Variants in HIVEP2 observed in about 807,000 individuals in gnomAD.
HIVEP2 encodes transcription factor HIVEP2.
Under a neutral mutation model 180.7 loss-of-function variants are expected in HIVEP2, and 14 were observed. The observed-to-expected ratio is 0.08, with a 90% CI of 0.05 to 0.12. The LOEUF is 0.12. Among genes scored for constraint, HIVEP2 ranks in the 10% least tolerant of loss-of-function variants. HIVEP2 has a pLI of 1.00. For synonymous variants in HIVEP2, 1,184 were observed against 1,136.4 expected, an observed-to-expected ratio of 1.04 and a Z score of -0.84; for missense variants, 2,579 against 3,008.5, an observed-to-expected ratio of 0.86 and a Z score of 3.34.
chr6:142,843,394 T>C (rs551580144), intron 1 of HIVEP2, among the ~76,000 whole-genome samples: 61 of 152,180 alleles, frequency 4.0e-4, no homozygotes, highest in Non-Finnish European at 8.7e-4. Flanking sequence ...AAGCTAAATG[T>C]GTGAAAAAGA....
chr6:142,846,185 G>A (rs1325644433), intron 1 of HIVEP2, among the ~76,000 whole-genome samples: 1 of 152,106 alleles, frequency 6.6e-6, no homozygotes, highest in Non-Finnish European at 1.5e-5. Flanking sequence ...AAACTGGGAC[G>A]TGGTAGAGTC....
chr6:142,760,677 T>G lies in HIVEP2; in HGVS notation c.5621-10A>C. ...AAATCTTCCAAATTTTCTGAAACAA[T>G]TAAACAAAGATAATGGAGATCAAGA... On this transcript the variant is annotated splice_polypyrimidine_tract_variant and intron_variant, in intron 8 of 9. Coordinates refer to ENST00000367603, the MANE Select transcript of HIVEP2 (RefSeq NM_006734.4). The G allele has an allele frequency of 6.3e-7, 1 of 1,575,406 alleles. No individual in the cohort carries two copies. Among genetic ancestry groups the G allele is most frequent in the African/African-American group, 1.4e-5 (1 of 73,584 alleles).
chr6:142,813,983 TCA>T (rs1776768995), intron 2 of HIVEP2, among the ~76,000 whole-genome samples: 1 of 151,946 alleles, frequency 6.6e-6, no homozygotes, highest in Non-Finnish European at 1.5e-5. Context: ...GACATAGCCC[TCA>T]GAGTCTATGG....
intron 1 of HIVEP2, among the ~76,000 whole-genome samples, chr6:142,942,471 T>C (rs1582982606): frequency 1.3e-5 from 2 of 152,242 alleles, no homozygotes; most frequent in South Asian, 4.1e-4. Context: ...TTTGTTTTCA[T>C]GGTAACAAGA....
intron 1 of HIVEP2, among the ~76,000 whole-genome samples, chr6:142,886,920 C>A (rs993881745): frequency 1.8e-4 from 27 of 152,148 alleles, no homozygotes; most frequent in Non-Finnish European, 3.7e-4. Context: ...AACACTGCTA[C>A]AAATACAGGT....
chr6:142,789,493 C>T (rs534218709), intron 2 of HIVEP2, among the ~76,000 whole-genome samples: 1 of 152,180 alleles, frequency 6.6e-6, no homozygotes, highest in Non-Finnish European at 1.5e-5. Context: ...AAATGTTTAG[C>T]TTATTCTAAA....
chr6:142,890,083 T>C (rs965678300), intron 1 of HIVEP2, among the ~76,000 whole-genome samples: 3 of 152,218 alleles, frequency 2.0e-5, no homozygotes, highest in African/African-American at 7.2e-5. Context: ...CCAGTGTTAA[T>C]TAGGGTCTAT....
At chr6:142,803,797 G>A (rs1199806590) in intron 2 of HIVEP2, among the ~76,000 whole-genome samples, 1 of 152,108 alleles carries the variant, frequency 6.6e-6, no homozygotes, top group African/African-American at 2.4e-5. Flanking sequence ...CTGAGACACA[G>A]AGAGATGACT....
intron 1 of HIVEP2, among the ~76,000 whole-genome samples, chr6:142,855,134 G>A (rs1005615825): frequency 2.0e-5 from 3 of 152,192 alleles, no homozygotes; most frequent in South Asian, 2.1e-4. Flanking sequence ...TATGAAACCC[G>A]CTTCATTAAG....
chr6:142,809,648 C>T (rs144567055), intron 2 of HIVEP2, among the ~76,000 whole-genome samples: 1,727 of 152,226 alleles, frequency 0.011, 20 homozygotes, highest in Non-Finnish European at 0.014. Flanking sequence ...GGCTGGAGTG[C>T]AGTGGCACGA....
intron 7 of HIVEP2, among the ~76,000 whole-genome samples, chr6:142,762,667 G>A (rs908073438): frequency 3.3e-5 from 5 of 152,126 alleles, no homozygotes; most frequent in Non-Finnish European, 7.3e-5. Context: ...TGAAATCTCC[G>A]TGGAAACTCA....
In HIVEP2 at chr6:142,878,202, C is replaced by T. The variant is rs1776491198; in HGVS notation, c.-640-41155G>A. On this transcript the variant is annotated intron_variant, in intron 1 of 9. Coordinates refer to ENST00000367603, the MANE Select transcript of HIVEP2 (RefSeq NM_006734.4). ...TCTGTCAAAATCCACATGACATTGG[C>T]TTCAGCACAATGAGAAAATGATGGA... is the stretch of plus-strand genomic sequence containing the variant. Among the ~76,000 whole-genome samples, 2 of 152,066 alleles carry T rather than the reference C, an allele frequency of 1.3e-5. 1 individual carries two copies. Among genetic ancestry groups the T allele is most frequent in the South Asian group, 4.1e-4 (2 of 4,826 alleles).
In HIVEP2 at chr6:142,942,244, G is replaced by A. The variant is rs77315771; in HGVS notation, c.-641+2855C>T. 3.8e-3 allele frequency among the ~76,000 whole-genome samples: 578 copies of A among 151,912 alleles called. 6 individuals are homozygous for A. Among genetic ancestry groups the A allele is most frequent in the African/African-American group, 0.013 (520 of 41,382 alleles). ...AATTCAAAAGCTGAAACCCAATACA[G>A]TGTACAACACAGAGTTATTTGTTAT... On this transcript the variant is annotated intron_variant, in intron 1 of 9. Coordinates refer to ENST00000367603, the MANE Select transcript of HIVEP2 (RefSeq NM_006734.4).
intron 2 of HIVEP2, among the ~76,000 whole-genome samples, chr6:142,815,326 G>T (rs1309286234): frequency 6.6e-6 from 1 of 152,176 alleles, no homozygotes; most frequent in South Asian, 2.1e-4. Context: ...AGACTGAGGA[G>T]TAATCGGGCA....
At chr6:142,765,125 A>G (rs1775349217) in intron 6 of HIVEP2, 151 bp from the exon 7 acceptor site, 2 of 638,126 alleles carry the variant, frequency 3.1e-6, no homozygotes, top group African/African-American at 1.8e-5. Flanking sequence ...TGTGAAATTT[A>G]TGCAGTAAAT....
intron 1 of HIVEP2, among the ~76,000 whole-genome samples, chr6:142,862,804 G>A (rs1452242599): frequency 2.3e-5 from 3 of 128,198 alleles, no homozygotes; most frequent in Non-Finnish European, 4.7e-5. Flanking sequence ...AATATATTTA[G>A]ATATCATATA....
intron 1 of HIVEP2, among the ~76,000 whole-genome samples, chr6:142,926,781 A>C (rs1036283487): frequency 3.3e-5 from 5 of 151,996 alleles, no homozygotes; most frequent in Admixed American, 2.6e-4. Context: ...CTCCCGGACC[A>C]GCTCCCGGCG....
intron 1 of HIVEP2, among the ~76,000 whole-genome samples, chr6:142,918,117 T>A (rs1191915377): frequency 2.0e-5 from 3 of 152,216 alleles, no homozygotes; most frequent in Admixed American, 2.0e-4. Flanking sequence ...GAAATGAAAC[T>A]ACAACAGTCT....
intron 2 of HIVEP2, among the ~76,000 whole-genome samples, chr6:142,788,759 A>C (rs1265551755): frequency 6.6e-6 from 1 of 152,066 alleles, no homozygotes; most frequent in African/African-American, 2.4e-5. Context: ...CAAACAAACG[A>C]AGAGCTCAGA....
Sources: allele counts gnomAD v4.1 joint callset (sites outside exome capture counted in the v4.1 genomes callset), GRCh38; gene constraint gnomAD v4.1.1; transcripts MANE v1.5; gene names NCBI Gene and HGNC (gene_info 2026-07-23, HGNC 2026-07-21).